Variants in SLC24A3 observed in about 807,000 individuals in gnomAD.
SLC24A3 encodes solute carrier family 24 member 3, also known as sodium/potassium/calcium exchanger 3.
In SLC24A3, 28 loss-of-function variants were observed where a neutral mutation model predicts 75.8. The observed-to-expected ratio is 0.37, with a 90% CI of 0.27 to 0.51. SLC24A3 has a LOEUF of 0.51. Ranked by LOEUF, SLC24A3 falls within the 20% of genes least tolerant of loss-of-function variation. The pLI, the probability that SLC24A3 is intolerant of heterozygous loss-of-function variation, is 0.94. For synonymous variants in SLC24A3, 372 were observed against 334.1 expected (o/e 1.11, Z -1.24); for missense variants, 663 against 847.8 (o/e 0.78, Z 2.71).
chr20:19,523,868 C>T (rs891999796), intron 3 of SLC24A3, among the ~76,000 whole-genome samples: 2 of 152,144 alleles, frequency 1.3e-5, no homozygotes, highest in African/African-American at 4.8e-5. Flanking sequence ...GCTACCTGTG[C>T]ATGCCCACCC....
intron 2 of SLC24A3, among the ~76,000 whole-genome samples, chr20:19,463,743 C>T (rs1023105194): frequency 3.9e-5 from 6 of 152,150 alleles, no homozygotes; most frequent in South Asian, 2.1e-4. Context: ...ACCTGACTTG[C>T]GGAGGTGGCC....
At chr20:19,356,455 G>A (rs1341998378) in intron 2 of SLC24A3, among the ~76,000 whole-genome samples, 5 of 152,202 alleles carry the variant, frequency 3.3e-5, no homozygotes, top group Non-Finnish European at 7.3e-5. Context: ...GTATTCTCCT[G>A]CAATGTGCTT....
At chr20:19,679,443 G>T in intron 9 of SLC24A3, among the ~76,000 whole-genome samples, 1 of 152,024 alleles carries the variant, frequency 6.6e-6, no homozygotes, top group Admixed American at 6.5e-5. Context: ...AGTGAGCCGA[G>T]ATGGCAGCAG....
chr20:19,596,900 T>G (rs1011683019), intron 6 of SLC24A3, among the ~76,000 whole-genome samples: 1 of 152,220 alleles, frequency 6.6e-6, no homozygotes, highest in Admixed American at 6.5e-5. Flanking sequence ...CTCTGCTTTC[T>G]CACACCCCCT....
At chr20:19,518,690 G>A (rs995435069) in intron 3 of SLC24A3, among the ~76,000 whole-genome samples, 2 of 152,226 alleles carry the variant, frequency 1.3e-5, no homozygotes, top group African/African-American at 4.8e-5. Flanking sequence ...AGGTGATTTA[G>A]CTGCTGCGTT....
At chr20:19,363,888 T>C (rs897169860) in intron 2 of SLC24A3, among the ~76,000 whole-genome samples, 2 of 152,200 alleles carry the variant, frequency 1.3e-5, no homozygotes, top group African/African-American at 4.8e-5. Flanking sequence ...ATTGCAAAGA[T>C]GCCATTTTCT....
chr20:19,656,621 AT>A (rs141035019), intron 7 of SLC24A3, among the ~76,000 whole-genome samples: 2,346 of 152,030 alleles, frequency 0.015, 58 homozygotes, highest in African/African-American at 0.049. Context: ...TTTGAAAAAA[AT>A]TTTTTTTCAA....
intron 13 of SLC24A3, chr20:19,693,632 A>G (rs1417144232): frequency 6.8e-6 from 4 of 586,340 alleles, no homozygotes; most frequent in South Asian, 3.4e-5. Context: ...GGATTCATTA[A>G]TCTTAGCTGG....
At chr20:19,245,976 A>G (rs545554250) in intron 1 of SLC24A3, among the ~76,000 whole-genome samples, 2 of 152,286 alleles carry the variant, frequency 1.3e-5, no homozygotes, top group Non-Finnish European at 2.9e-5. Flanking sequence ...GATTTGAACA[A>G]TGGTTTGATT....
chr20:19,554,684 T>C (rs1332554354), intron 3 of SLC24A3, among the ~76,000 whole-genome samples: 1 of 152,218 alleles, frequency 6.6e-6, no homozygotes, highest in Non-Finnish European at 1.5e-5. Flanking sequence ...AGTTCCTTTC[T>C]TCCCTTCCTT....
rs536995445 is a variant in SLC24A3, at chr20:19,722,448, G to A, written c.*1308G>A. ...CTCGCTCAAGGGCATAAGTTATTGT[G>A]AACGTTTTTGCCAATCACTGCTCAA... is the stretch of plus-strand genomic sequence containing the variant. On this transcript the variant is annotated 3_prime_UTR_variant, in exon 17 of 17. Transcript: ENST00000328041. 1.3e-5 allele frequency: 2 copies of A among 152,778 alleles called. No individual in the cohort carries two copies. Among genetic ancestry groups the A allele is most frequent in the South Asian group, 4.1e-4 (2 of 4,828 alleles). The allele number at this position is 152,778 out of a possible 1,614,324, so 9.5% of individuals were successfully genotyped here.
intron 2 of SLC24A3, among the ~76,000 whole-genome samples, chr20:19,347,707 TG>T (rs1310760356): frequency 7.9e-5 from 12 of 152,100 alleles, no homozygotes; most frequent in African/African-American, 2.9e-4. Context: ...ATTATAGAAA[TG>T]GAAAATACTG....
At chr20:19,448,645 G>A (rs1987428772) in intron 2 of SLC24A3, among the ~76,000 whole-genome samples, 1 of 152,194 alleles carries the variant, frequency 6.6e-6, no homozygotes, top group South Asian at 2.1e-4. Context: ...GTCATGGCTG[G>A]AGGTATGAGA....
chr20:19,284,134 C>T (rs1207865201), intron 2 of SLC24A3: 1 of 153,186 alleles, frequency 6.5e-6, no homozygotes, highest in Non-Finnish European at 1.5e-5. Context: ...TGGTTACCTC[C>T]ATGCCCTTAC....
chr20:19,213,767 T>G (rs1981476450), intron 1 of SLC24A3, among the ~76,000 whole-genome samples: 1 of 152,328 alleles, frequency 6.6e-6, no homozygotes, highest in South Asian at 2.1e-4. Flanking sequence ...GAAATAGATC[T>G]TGTGTGCTCC....
chr20:19,239,275 G>A (rs1982265114), intron 1 of SLC24A3, among the ~76,000 whole-genome samples: 1 of 152,162 alleles, frequency 6.6e-6, no homozygotes, highest in Admixed American at 6.5e-5. Flanking sequence ...AGGAGAAGCA[G>A]CCCCAGTACC....
chr20:19,391,113 C>T (rs766605713), intron 2 of SLC24A3, among the ~76,000 whole-genome samples: 12 of 152,232 alleles, frequency 7.9e-5, no homozygotes, highest in Non-Finnish European at 1.2e-4. Flanking sequence ...TCACTGCTCA[C>T]GTGGCATTTA....
At chr20:19,274,501 C>T (rs887878057) in intron 1 of SLC24A3, among the ~76,000 whole-genome samples, 1 of 152,054 alleles carries the variant, frequency 6.6e-6, no homozygotes, top group African/African-American at 2.4e-5. Flanking sequence ...TGTTAGCCTC[C>T]AGCATCCTCC....
rs57927489 is a variant in SLC24A3 at position 19,265,335 on chromosome 20, G to A, written c.143-15624G>A. 4.3e-3 allele frequency among the ~76,000 whole-genome samples: 659 copies of A among 152,288 alleles called. 3 individuals carry two copies. The highest frequency in any genetic ancestry group is 0.015 in the African/African-American group (639 of 41,538). ...CCAGGGCTCTTAGAGCTTTATTACT[G>A]TGATTCATAGAAGCCACTTGAGAGG... On this transcript the variant is annotated intron_variant, in intron 1 of 16. Coordinates refer to ENST00000328041, the MANE Select transcript of SLC24A3 (RefSeq NM_020689.4).
Sources: gnomAD v4.1 joint callset for allele counts (sites outside exome capture counted in the v4.1 genomes callset) on GRCh38, gnomAD v4.1.1 for gene constraint, MANE v1.5 for transcripts, NCBI Gene and HGNC (gene_info 2026-07-23, HGNC 2026-07-21) for gene names.